CACNG2: variants seen among roughly 807,000 people sequenced by gnomAD.
CACNG2 encodes voltage-dependent calcium channel gamma-2 subunit.
Under a neutral mutation model 25.9 loss-of-function variants are expected in CACNG2, and 3 were observed. The ratio of observed to expected loss-of-function variants is 0.12; its 90% CI spans 0.05 to 0.30. The LOEUF (loss-of-function observed/expected upper bound fraction) is 0.30. CACNG2 is among the 10% of genes least tolerant of loss of function. The pLI is 1.00. For missense variants in CACNG2, 341 were observed against 432.5 expected, an observed-to-expected ratio of 0.79 and a Z score of 1.88; for synonymous variants, 167 against 173.3, an observed-to-expected ratio of 0.96 and a Z score of 0.29.
chr22:36,571,661 G>C (rs976100173), intron 2 of CACNG2, among the ~76,000 whole-genome samples: 1 of 152,018 alleles, frequency 6.6e-6, no homozygotes, highest in African/African-American at 2.4e-5. Flanking sequence ...TGGATCACTT[G>C]AGGTCAGGAG....
rs746855692 is a variant in CACNG2 at position 36,563,601 on chromosome 22, G to A, written c.*750C>T. 1.1e-4 allele frequency among the ~76,000 whole-genome samples: 16 copies of A among 152,210 alleles called. No individual in the cohort carries two copies. Among genetic ancestry groups the A allele is most frequent in the Non-Finnish European group, 1.5e-4 (10 of 67,974 alleles). ...TGTACCCCCCTCCAGGCACCCTAAC[G>A]GAGAGGAGGGACAAGGGCTCGGTCA... On this transcript the variant is annotated 3_prime_UTR_variant, in exon 4 of 4. Transcript: ENST00000300105.
intron 1 of CACNG2, among the ~76,000 whole-genome samples, chr22:36,610,432 C>T (rs1195259990): frequency 3.3e-5 from 5 of 152,150 alleles, no homozygotes; most frequent in Non-Finnish European, 7.3e-5. Context: ...CGTGATGGTC[C>T]CTGGGACAAG....
intron 1 of CACNG2, among the ~76,000 whole-genome samples, chr22:36,675,156 C>T (rs1013498636): frequency 1.3e-5 from 2 of 152,178 alleles, no homozygotes; most frequent in Non-Finnish European, 2.9e-5. Context: ...CCTGCCTCAA[C>T]TTTCAGAGTA....
intron 2 of CACNG2, among the ~76,000 whole-genome samples, chr22:36,577,524 C>T (rs1280843921): frequency 6.6e-6 from 1 of 151,966 alleles, no homozygotes; most frequent in Non-Finnish European, 1.5e-5. Context: ...GTGGCGCAGG[C>T]CCGTAGTCCC....
At chr22:36,653,918 ATTTT>A (rs35016759) in intron 1 of CACNG2, among the ~76,000 whole-genome samples, 6 of 133,000 alleles carry the variant, frequency 4.5e-5, no homozygotes, top group East Asian at 2.3e-4. Flanking sequence ...CAGACGTTAG[ATTTT>A]TTTTTTTTTT....
At chr22:36,615,838 AGTGTTAGTTAAAAAAATT>A (rs946641490) in intron 1 of CACNG2, among the ~76,000 whole-genome samples, 5 of 152,232 alleles carry the variant, frequency 3.3e-5, no homozygotes, top group African/African-American at 9.6e-5. Context: ...TAAAAAAAAT[AGTGTTAGTTAAAAAAATT>A]GTGTTAGTTA....
At chr22:36,596,274 C>T (rs569804256) in intron 1 of CACNG2, among the ~76,000 whole-genome samples, 1 of 152,304 alleles carries the variant, frequency 6.6e-6, no homozygotes, top group African/African-American at 2.4e-5. Flanking sequence ...GGCAATACCT[C>T]CCTGACGGCA....
chr22:36,602,099 A>G (rs1569025922), intron 1 of CACNG2, among the ~76,000 whole-genome samples: 1 of 152,068 alleles, frequency 6.6e-6, no homozygotes, highest in Non-Finnish European at 1.5e-5. Flanking sequence ...CCATTTACCT[A>G]TTGGCCATTT....
intron 2 of CACNG2, among the ~76,000 whole-genome samples, chr22:36,577,673 A>C (rs975211411): frequency 1.3e-5 from 2 of 149,988 alleles, no homozygotes; most frequent in Non-Finnish European, 3.0e-5. Flanking sequence ...AAAAAAAAGA[A>C]ATGAACTAGG....
chr22:36,640,158 G>T (rs1936421220), intron 1 of CACNG2, among the ~76,000 whole-genome samples: 1 of 152,138 alleles, frequency 6.6e-6, no homozygotes, highest in Non-Finnish European at 1.5e-5. Flanking sequence ...TAATATAGTT[G>T]TGCCTCAGTT....
intron 1 of CACNG2, among the ~76,000 whole-genome samples, chr22:36,635,571 C>A (rs967387592): frequency 6.6e-6 from 1 of 152,070 alleles, no homozygotes; most frequent in Non-Finnish European, 1.5e-5. Context: ...TCATCTGTCC[C>A]GAAGAAATCC....
chr22:36,574,754 C>T (rs1464641360), intron 2 of CACNG2, among the ~76,000 whole-genome samples: 1 of 152,046 alleles, frequency 6.6e-6, no homozygotes, highest in Non-Finnish European at 1.5e-5. Context: ...TGCACTCCAG[C>T]CTGGGCAACA....
intron 1 of CACNG2, among the ~76,000 whole-genome samples, chr22:36,588,862 C>A (rs1935544456): frequency 6.6e-6 from 1 of 152,134 alleles, no homozygotes; most frequent in Non-Finnish European, 1.5e-5. Context: ...ATTAATACAG[C>A]CCTCAATACA....
At chr22:36,662,842 G>A (rs911042872) in intron 1 of CACNG2, among the ~76,000 whole-genome samples, 5 of 152,020 alleles carry the variant, frequency 3.3e-5, no homozygotes, top group Admixed American at 6.5e-5. Context: ...TTGAGGAGCC[G>A]GGATTTGAAC....
chr22:36,642,659 T>G (rs1936456860), intron 1 of CACNG2, among the ~76,000 whole-genome samples: 1 of 152,242 alleles, frequency 6.6e-6, no homozygotes, highest in Non-Finnish European at 1.5e-5. Context: ...ACCAGTCTCC[T>G]GCCCTGCATC....
intron 1 of CACNG2, among the ~76,000 whole-genome samples, chr22:36,618,334 G>T (rs913977357): frequency 1.3e-5 from 2 of 152,238 alleles, no homozygotes; most frequent in African/African-American, 4.8e-5. Context: ...ATCCCAGGCT[G>T]CAGAGGCTGC....
intron 1 of CACNG2, among the ~76,000 whole-genome samples, chr22:36,639,155 A>G (rs566599744): frequency 2.6e-5 from 4 of 152,288 alleles, no homozygotes; most frequent in African/African-American, 9.6e-5. Flanking sequence ...ACTTCACTTC[A>G]CTTCTCTGAG....
intron 1 of CACNG2, among the ~76,000 whole-genome samples, chr22:36,601,735 G>T (rs981135188): frequency 1.3e-4 from 20 of 152,090 alleles, no homozygotes; most frequent in African/African-American, 3.6e-4. Flanking sequence ...CATGCGCCTC[G>T]GCCTCCTGAA....
chr22:36,651,060 G>T (rs899573361), intron 1 of CACNG2, among the ~76,000 whole-genome samples: 1 of 152,012 alleles, frequency 6.6e-6, no homozygotes, highest in African/African-American at 2.4e-5. Context: ...CCACTTTCCT[G>T]ATGTCTTTTT....
Sources: gnomAD v4.1 joint callset for allele counts (sites outside exome capture counted in the v4.1 genomes callset) on GRCh38, gnomAD v4.1.1 for gene constraint, MANE v1.5 for transcripts, NCBI Gene and HGNC (gene_info 2026-07-23, HGNC 2026-07-21) for gene names.